The following TRPC3 variants were observed in gnomAD, a reference collection of about 807,000 sequenced individuals.
The protein encoded by TRPC3 is transient receptor potential cation channel subfamily C member 3, also known as short transient receptor potential channel 3.
In TRPC3, 54 loss-of-function variants were observed where a neutral mutation model predicts 90.9. The ratio of observed to expected loss-of-function variants is 0.59; its 90% CI spans 0.48 to 0.75. The LOEUF is 0.75. TRPC3 is among the 30% of genes least tolerant of loss of function. The pLI, the probability that TRPC3 is intolerant of heterozygous loss-of-function variation, is 0.00. For synonymous variants in TRPC3, 424 were observed against 450.9 expected, an observed-to-expected ratio of 0.94 and a Z score of 0.75; for missense variants, 918 against 1,194.5, an observed-to-expected ratio of 0.77 and a Z score of 3.41.
chr4:121,875,397 A>G lies in TRPC3; in HGVS notation c.*4339T>C, dbSNP rs952226645. 2.6e-4 allele frequency among the ~76,000 whole-genome samples: 40 copies of G among 152,358 alleles called. No individual in the cohort carries two copies. The highest frequency in any genetic ancestry group is 9.6e-4 in the African/African-American group (40 of 41,592). The stretch of plus-strand genomic sequence containing the variant: ...AGTACATACTATGTTTTGTTTCTAA[A>G]TGATTAGTAAAGATTTCAACCTACT... On this transcript the variant is annotated 3_prime_UTR_variant, in exon 12 of 12. Transcript: ENST00000379645.
chr4:121,882,762 G>A (rs1727987015), intron 10 of TRPC3, among the ~76,000 whole-genome samples: 1 of 151,918 alleles, frequency 6.6e-6, no homozygotes, highest in Admixed American at 6.6e-5. Context: ...ATCACCCATA[G>A]ACACTACCTT....
intron 1 of TRPC3, among the ~76,000 whole-genome samples, chr4:121,941,974 T>A (rs983044445): frequency 6.6e-6 from 1 of 152,146 alleles, no homozygotes; most frequent in Non-Finnish European, 1.5e-5. Flanking sequence ...AAGTATCTCA[T>A]ACCTACTTCT....
Position 121,886,475 on chromosome 4 carries a change from G to C in TRPC3, c.2548-4046C>G, listed in dbSNP as rs550666308. On this transcript the variant is annotated intron_variant, in intron 10 of 11. Transcript: ENST00000379645. ...ATACCACTCACGAAACTTTGTGAAA[G>C]ATTACCATTACACAGCTTCTGTATA... Among the ~76,000 whole-genome samples, 4 of 152,250 alleles carry C rather than the reference G, an allele frequency of 2.6e-5. No individual in the cohort carries two copies. The South Asian group carries it at 8.3e-4, about 32-fold the overall frequency.
intron 5 of TRPC3, 128 bp from the exon 6 acceptor site, chr4:121,910,515 TTGAC>T (rs1202121791): frequency 5.6e-6 from 4 of 713,138 alleles, no homozygotes; most frequent in South Asian, 3.5e-5. Flanking sequence ...TCACAAAGCA[TTGAC>T]TGACTGACTG....
intron 1 of TRPC3, among the ~76,000 whole-genome samples, chr4:121,947,746 T>A (rs898324078): frequency 4.6e-5 from 7 of 152,216 alleles, no homozygotes; most frequent in Non-Finnish European, 1.0e-4. Flanking sequence ...TAACTACTTT[T>A]ATTAAGACAA....
rs563459595 is a variant in TRPC3 at position 121,884,062 on chromosome 4, T to C, written c.2548-1633A>G. ...ATTAACAAGAATAGACAAATTGCAG[T>C]ATTTTCAATGTAATGTTATTGTGTT... On this transcript the variant is annotated intron_variant, in intron 10 of 11. Coordinates refer to ENST00000379645, the MANE Select transcript of TRPC3 (RefSeq NM_001130698.2). Among the ~76,000 whole-genome samples, 3 of 152,306 alleles carry C rather than the reference T, an allele frequency of 2.0e-5. No homozygotes were observed. The East Asian group carries it at 5.8e-4, about 29-fold the overall frequency.
Position 121,876,418 on chromosome 4 carries a change from C to T in TRPC3, c.*3318G>A, listed in dbSNP as rs1727765051. Among the ~76,000 whole-genome samples, 1 of 152,160 alleles carries T rather than the reference C, an allele frequency of 6.6e-6. No individual in the cohort carries two copies. The highest frequency in any genetic ancestry group is 1.5e-5 in the Non-Finnish European group (1 of 68,032). On this transcript the variant is annotated 3_prime_UTR_variant, in exon 12 of 12. Transcript: ENST00000379645. ...ACTAGGAACCCCTGATGTAGCATAA[C>T]CCTGTTTGCCTGAACCATTTATGAA...
At chr4:121,910,935 C>A (rs576153266) in intron 5 of TRPC3, among the ~76,000 whole-genome samples, 2 of 152,178 alleles carry the variant, frequency 1.3e-5, no homozygotes, top group Non-Finnish European at 2.9e-5. Flanking sequence ...AGATGAAACC[C>A]TTAAGTGAGA....
intron 7 of TRPC3, 141 bp from the exon 8 acceptor site, chr4:121,904,658 G>A (rs1213881716): frequency 1.9e-6 from 1 of 517,142 alleles, no homozygotes. Flanking sequence ...GGATTACTTT[G>A]TTATGACATT....
intron 10 of TRPC3, among the ~76,000 whole-genome samples, chr4:121,888,232 AT>A (rs1175276636): frequency 6.6e-6 from 1 of 152,206 alleles, no homozygotes; most frequent in Non-Finnish European, 1.5e-5. Context: ...CTTTGAAGAA[AT>A]TGTTTTGGAG....
At chr4:121,895,614 T>A (rs1335990736) in intron 10 of TRPC3, among the ~76,000 whole-genome samples, 2 of 151,846 alleles carry the variant, frequency 1.3e-5, no homozygotes, top group African/African-American at 4.8e-5. Context: ...ACAGACACAT[T>A]CAATCTACCA....
At chr4:121,903,757 A>C (rs1018649656) in intron 8 of TRPC3, among the ~76,000 whole-genome samples, 1 of 152,200 alleles carries the variant, frequency 6.6e-6, no homozygotes, top group Non-Finnish European at 1.5e-5. Flanking sequence ...AGAACACTAT[A>C]TTATGAGTTT....
At chr4:121,904,581 TA>T in intron 7 of TRPC3, 64 bp from the exon 8 acceptor site, 1 of 1,315,476 alleles carries the variant, frequency 7.6e-7, no homozygotes, top group Admixed American at 3.0e-5. Context: ...GAGTGAAAAG[TA>T]AAAAACAAGT....
chr4:121,907,176 T>C (rs1728908943), intron 7 of TRPC3, 127 bp downstream of exon 7: 1 of 931,368 alleles, frequency 1.1e-6, no homozygotes, highest in African/African-American at 1.7e-5. Flanking sequence ...GCACTAACTG[T>C]TTTTGATGGA....
chr4:121,910,445 A>T (rs1729040229), intron 5 of TRPC3, 58 bp from the exon 6 acceptor site: 11 of 1,386,716 alleles, frequency 7.9e-6, no homozygotes, highest in Non-Finnish European at 1.1e-5. Context: ...CTGAGAAGCC[A>T]TTATTGTGTC....
chr4:121,930,847 A>C (rs1473585500), intron 2 of TRPC3: 1 of 402,268 alleles, frequency 2.5e-6, no homozygotes, highest in South Asian at 1.8e-5. Context: ...AAAAAAAAAA[A>C]AAAAAACATT....
chr4:121,937,177 TC>T (rs1730159985), intron 1 of TRPC3, among the ~76,000 whole-genome samples: 1 of 152,198 alleles, frequency 6.6e-6, no homozygotes, highest in African/African-American at 2.4e-5. Flanking sequence ...CTTGTTGAAA[TC>T]AGATTTCTGG....
chr4:121,882,840 G>C (rs1426138912), intron 10 of TRPC3, among the ~76,000 whole-genome samples: 3 of 151,938 alleles, frequency 2.0e-5, no homozygotes, highest in African/African-American at 7.2e-5. Context: ...ATATACAGAA[G>C]AACAAAATAA....
intron 11 of TRPC3, among the ~76,000 whole-genome samples, chr4:121,880,915 A>G (rs1727919070): frequency 2.0e-5 from 3 of 152,056 alleles, no homozygotes; most frequent in Middle Eastern, 3.2e-3. Flanking sequence ...AAAGAATTCT[A>G]ACTCAGGAAT....
Sources: gnomAD v4.1 joint callset for allele counts (sites outside exome capture counted in the v4.1 genomes callset) on GRCh38, gnomAD v4.1.1 for gene constraint, MANE v1.5 for transcripts, NCBI Gene and HGNC (gene_info 2026-07-23, HGNC 2026-07-21) for gene names.